MAP4K2: variants seen among roughly 807,000 people sequenced by gnomAD.
The protein encoded by MAP4K2 is B lymphocyte serine/threonine protein kinase.
Under a neutral mutation model 125.3 loss-of-function variants are expected in MAP4K2, and 85 were observed. The observed-to-expected ratio is 0.68, with a 90% CI of 0.57 to 0.81. The LOEUF (loss-of-function observed/expected upper bound fraction) is 0.81. MAP4K2 is among the 40% of genes least tolerant of loss of function. The pLI is 0.00. For synonymous variants in MAP4K2, 479 were observed against 445.1 expected, an observed-to-expected ratio of 1.08 and a Z score of -0.96; for missense variants, 923 against 1,056.4, an observed-to-expected ratio of 0.87 and a Z score of 1.75.
In MAP4K2 at chr11:64,796,361, G is replaced by A. The variant is rs1438860692; in HGVS notation, c.1663C>T (p.Leu555Phe). 1.3e-6 allele frequency: 2 copies of A among 1,590,666 alleles called. No individual in the cohort carries two copies. The highest frequency in any genetic ancestry group is 1.7e-5 in the Admixed American group (1 of 58,092). Residue 555 changes from leucine to phenylalanine, a missense_variant, in exon 24 of 32, where the codon CTC (leucine) becomes TTC (phenylalanine). Physicochemically the swap from Leu to Phe is conservative, Grantham distance 22. Coordinates refer to ENST00000294066, the MANE Select transcript of MAP4K2 (RefSeq NM_004579.5). Reference sequence around the variant, plus strand: ...CTCCGCTGCTCAAACAGGCCTGGGAGGTCATGGGCCCAGATGTGCGTGGAT... The same window carrying A: ...CTCCGCTGCTCAAACAGGCCTGGGAAGTCATGGGCCCAGATGTGCGTGGAT... The part of the protein sequence containing the change: ...GKSTHIWAHD[L>F]PGLFEQRRLQ...
intron 27 of MAP4K2, among the ~76,000 whole-genome samples, chr11:64,790,726 C>A (rs1940427349): frequency 1.3e-5 from 2 of 152,212 alleles, no homozygotes; most frequent in Admixed American, 1.3e-4. Flanking sequence ...GGGGACCAGG[C>A]CTCGTGACCC....
intron 25 of MAP4K2, 30 bp downstream of exon 25, chr11:64,792,334 C>CTGG: frequency 6.6e-7 from 1 of 1,514,506 alleles, no homozygotes; most frequent in African/African-American, 1.4e-5. Flanking sequence ...CCACCAGGCC[C>CTGG]CGCCCCACCC....
rs182042005 is a variant in MAP4K2 at position 64,793,078 on chromosome 11, T to A, written c.1752-656A>T. ...CTAAAAATACAAAATTAGCCAGGCG[T>A]GGTGGCGCGTGCCTGTAATCCCAGC... On this transcript the variant is annotated intron_variant, in intron 24 of 31. Coordinates refer to ENST00000294066, the MANE Select transcript of MAP4K2 (RefSeq NM_004579.5). Among the ~76,000 whole-genome samples, 9 of 152,092 alleles carry A rather than the reference T, an allele frequency of 5.9e-5. No homozygotes were observed. In the East Asian group the frequency reaches 1.7e-3, roughly 29 times the overall value.
At chr11:64,795,576 G>T (rs1433989285) in intron 24 of MAP4K2, among the ~76,000 whole-genome samples, 3 of 151,954 alleles carry the variant, frequency 2.0e-5, no homozygotes, top group Non-Finnish European at 4.4e-5. Flanking sequence ...AATTTTTTTT[G>T]TATTTTTAGT....
rs1374562537 is a variant in MAP4K2 at position 64,798,853 on chromosome 11, G to GT, written c.1054-17dup. ...CTTCCTCCCACTGGGGGAAACCAAGGTAGAGACCGGGGAAGAAGCAGAGAC... is the reference window on the plus strand; with the variant it reads ...CTTCCTCCCACTGGGGGAAACCAAGGTTAGAGACCGGGGAAGAAGCAGAGAC... On this transcript the variant is annotated splice_polypyrimidine_tract_variant and intron_variant, in intron 14 of 31. Transcript: ENST00000294066. 1 of 1,587,508 alleles carries GT rather than the reference G, an allele frequency of 6.3e-7. No individual in the cohort carries two copies. Among genetic ancestry groups the GT allele is most frequent in the Non-Finnish European group, 8.6e-7 (1 of 1,167,204 alleles).
intron 4 of MAP4K2, 147 bp from the exon 5 acceptor site, chr11:64,802,268 C>A: frequency 9.3e-7 from 1 of 1,074,574 alleles, no homozygotes; most frequent in Non-Finnish European, 1.4e-6. Flanking sequence ...GATACTGAAC[C>A]CAGAGATGGA....
intron 5 of MAP4K2, 144 bp from the exon 6 acceptor site, chr11:64,801,901 T>C (rs556320288): frequency 5.5e-5 from 62 of 1,136,400 alleles, no homozygotes; most frequent in Admixed American, 1.3e-4. Flanking sequence ...AAGAGGGAAA[T>C]GGACTGCTTC....
intron 4 of MAP4K2, 24 bp downstream of exon 4, chr11:64,802,395 T>A: frequency 6.7e-7 from 1 of 1,488,620 alleles, no homozygotes; most frequent in South Asian, 1.4e-5. Context: ...TGGGGCCTGC[T>A]GGGGCCTGGA....
chr11:64,792,589 T>A (rs1940566060), intron 24 of MAP4K2, among the ~76,000 whole-genome samples, 167 bp from the exon 25 acceptor site: 1 of 152,142 alleles, frequency 6.6e-6, no homozygotes, highest in Non-Finnish European at 1.5e-5. Context: ...AGGTGGAGGA[T>A]CTGAAGCCAG....
Position 64,790,123 on chromosome 11 carries a change from G to A in MAP4K2, c.2248+65C>T, listed in dbSNP as rs1314031852. On this transcript the variant is annotated intron_variant, in intron 29 of 31. Coordinates refer to ENST00000294066, the MANE Select transcript of MAP4K2 (RefSeq NM_004579.5). ...CCTCCTCATCCTACCGCCAGCCCCA[G>A]GCCCCTGAGCAACAACGTGCTCCAG... The A allele has an allele frequency of 4.8e-5, 77 of 1,588,908 alleles. No homozygotes were observed. The South Asian group carries it at 8.6e-4, about 18-fold the overall frequency.
In MAP4K2 at chr11:64,800,192, G is replaced by A. The variant is rs750045507; in HGVS notation, c.832C>T (p.Pro278Ser). The change falls in exon 12 of 32, where the codon CCT becomes TCT. Residue 278 changes from proline (P) to serine (S), a missense_variant. Physicochemically the swap from Pro to Ser is moderately conservative, Grantham distance 74. Transcript: ENST00000294066. ...LQHPFTTQQL[P>S]RALLTQLLDK... ...AGCAGCTGTGTGAGGAGGGCCCGAG[G>A]GAGCTGCTGAGTCGTGAACGGGTGC... 1.9e-6 allele frequency: 3 copies of A among 1,613,430 alleles called. No individual in the cohort carries two copies. The highest frequency in any genetic ancestry group is 8.5e-7 in the Non-Finnish European group (1 of 1,179,862).
chr11:64,792,509 C>T, intron 24 of MAP4K2, 87 bp from the exon 25 acceptor site: 1 of 1,107,804 alleles, frequency 9.0e-7, no homozygotes, highest in Non-Finnish European at 1.3e-6. Context: ...GCACTATCAG[C>T]TTCCCTCTTT....
chr11:64,792,631 T>C (rs1162888445), intron 24 of MAP4K2, among the ~76,000 whole-genome samples: 1 of 152,124 alleles, frequency 6.6e-6, no homozygotes, highest in Non-Finnish European at 1.5e-5. Flanking sequence ...AGGGAGTGTC[T>C]CCATCCAGGC....
At chr11:64,803,212 CGCGGG>C in exon 1 of MAP4K2, 3 of 717,236 alleles carry the variant, frequency 4.2e-6, no homozygotes, top group Non-Finnish European at 5.1e-6. Context: ...CGCGGGGCGG[CGCGGG>C]GCGGGGCGGG....
At chr11:64,793,818 G>A (rs923667609) in intron 24 of MAP4K2, among the ~76,000 whole-genome samples, 1 of 152,100 alleles carries the variant, frequency 6.6e-6, no homozygotes, top group Non-Finnish European at 1.5e-5. Context: ...GCCATTTCCC[G>A]AACACAAGCT....
At chr11:64,800,490 G>T (rs918415403) in intron 10 of MAP4K2, 98 bp from the exon 11 acceptor site, 1 of 1,378,242 alleles carries the variant, frequency 7.3e-7, no homozygotes, top group Non-Finnish European at 1.0e-6. Flanking sequence ...GCGTCTGCTG[G>T]GCCCACCCAG....
chr11:64,793,016 AGACCAGCCT>A (rs1397030538), intron 24 of MAP4K2, among the ~76,000 whole-genome samples: 3 of 152,222 alleles, frequency 2.0e-5, no homozygotes, highest in Admixed American at 6.5e-5. Context: ...CGGGAGTTCG[AGACCAGCCT>A]GACCAACATA....
At chr11:64,800,864 A>G (rs1250510884) in intron 9 of MAP4K2, 36 bp downstream of exon 9, 2 of 1,613,906 alleles carry the variant, frequency 1.2e-6, no homozygotes, top group Non-Finnish European at 1.7e-6. Context: ...CAGGCCGCAG[A>G]TCAAGGGTCA....
Position 64,797,611 on chromosome 11 carries a change from G to A in MAP4K2, c.1136+15C>T. 1 of 1,579,216 alleles carries A rather than the reference G, an allele frequency of 6.3e-7. No individual in the cohort carries two copies. The highest frequency in any genetic ancestry group is 8.6e-7 in the Non-Finnish European group (1 of 1,161,682). Reference sequence around the variant, plus strand: ...CACCTGCCCCTTGCCCCTCCCCCAGGCCCACATCCCTCACCTTTCCTCCAG... The same window carrying A: ...CACCTGCCCCTTGCCCCTCCCCCAGACCCACATCCCTCACCTTTCCTCCAG... On this transcript the variant is annotated intron_variant, in intron 16 of 31. Transcript: ENST00000294066.
Sources: allele counts gnomAD v4.1 joint callset (sites outside exome capture counted in the v4.1 genomes callset), GRCh38; gene constraint gnomAD v4.1.1; transcripts MANE v1.5; gene names NCBI Gene and HGNC (gene_info 2026-07-23, HGNC 2026-07-21).